The following CORO7 variants were observed in gnomAD, a reference collection of about 807,000 sequenced individuals.
CORO7 encodes coronin-7.
CORO7 carries 107 observed loss-of-function variants against 126.6 expected under a neutral mutation model. The ratio of observed to expected loss-of-function variants is 0.85; its 90% confidence interval spans 0.72 to 0.99. The LOEUF (loss-of-function observed/expected upper bound fraction) is 0.99, where lower values mean the gene tolerates loss of function less well. Among genes scored for constraint, CORO7 ranks in the 50% least tolerant of loss-of-function variants. The pLI is 0.00. For missense variants in CORO7, 1,314 were observed against 1,255.8 expected, an observed-to-expected ratio of 1.05 and a Z score of -0.70; for synonymous variants, 603 against 536.8, an observed-to-expected ratio of 1.12 and a Z score of -1.70.
Position 4,359,310 on chromosome 16 carries a change from G to A in CORO7, c.2326C>T (p.Pro776Ser). Residue 776 changes from proline to serine, a missense_variant, in exon 23 of 28, where the codon CCT (proline) becomes TCT (serine). Transcript: ENST00000251166. ...FFLECNSFTS[P>S]DPHKGLVLLP... ...GGTGGCCTCACCTTGTGGGGGTCAG[G>A]CGACGTGAAGCTGTTGCACTCCAGG... The A allele has an allele frequency of 6.2e-7, 1 of 1,608,438 alleles. No homozygotes were observed.
At chr16:4,387,961 C>A in intron 9 of CORO7, 25 bp downstream of exon 9, 2 of 1,611,668 alleles carry the variant, frequency 1.2e-6, no homozygotes, top group South Asian at 1.1e-5. Context: ...AGCCCCCCAG[C>A]CCACCTGCGT....
At chr16:4,375,024 G>C (rs2054670349) in intron 9 of CORO7, among the ~76,000 whole-genome samples, 2 of 152,150 alleles carry the variant, frequency 1.3e-5, no homozygotes, top group Admixed American at 1.3e-4. Flanking sequence ...GTGGCATCTG[G>C]ACTGGCCCAT....
At chr16:4,407,721 G>T in intron 4 of CORO7, 37 bp from the exon 5 acceptor site, 1 of 1,526,048 alleles carries the variant, frequency 6.6e-7, no homozygotes, top group Non-Finnish European at 8.8e-7. Context: ...ACAGGGCTGA[G>T]GGCCTCACTG....
rs143342632 is a variant in CORO7, at chr16:4,382,785, G to T, written c.785+5201C>A. 1.9e-4 allele frequency: 304 copies of T among 1,581,768 alleles called. No individual in the cohort carries two copies. The highest frequency in any genetic ancestry group is 2.4e-4 in the Non-Finnish European group (281 of 1,164,852). ...AGGTCCCCTTGGAGCCAGGCCCGAA[G>T]GCAACAGAGGGCGGTGGAGAGGCCC... On this transcript the variant is annotated intron_variant, in intron 9 of 27. Transcript: ENST00000251166.
At chr16:4,370,242 G>A (rs1239142225) in intron 9 of CORO7, among the ~76,000 whole-genome samples, 2 of 152,190 alleles carry the variant, frequency 1.3e-5, no homozygotes, top group East Asian at 1.9e-4. Context: ...GAAACAGTCC[G>A]ACAAGAGGCT....
At chr16:4,407,390 A>C in intron 5 of CORO7, 111 bp downstream of exon 5, 1 of 1,314,320 alleles carries the variant, frequency 7.6e-7, no homozygotes, top group Non-Finnish European at 1.0e-6. Flanking sequence ...ATGTAAGTGT[A>C]AAACTTTGAT....
intron 9 of CORO7, among the ~76,000 whole-genome samples, chr16:4,375,654 AT>A (rs1433240034): frequency 6.6e-6 from 1 of 152,052 alleles, no homozygotes; most frequent in Non-Finnish European, 1.5e-5. Context: ...GGCCTGGCTA[AT>A]TTTTTTGTAT....
At position 4,388,452 on chromosome 16, in the gene CORO7, A is replaced by AGTCCCCCGCCTCCCATTGGTTTC; in HGVS notation, c.702+70_702+92dup. On this transcript the variant is annotated intron_variant, in intron 8 of 27. Transcript: ENST00000251166. ...ATGGACAGGCCTGGAACTGGCCCTC[A>AGTCCCCCGCCTCCCATTGGTTTC]GTCCCCCGCCTCCCATTGGTTTCGT... The AGTCCCCCGCCTCCCATTGGTTTC allele has an allele frequency of 2.1e-6, 3 of 1,403,078 alleles. No individual in the cohort carries two copies. In the Admixed American group the frequency reaches 6.1e-5, roughly 28 times the overall value. The allele number at this position is 1,403,078 out of a possible 1,614,324, so 86.9% of individuals were successfully genotyped here. A position where few individuals can be genotyped will look rare whatever the true frequency, so the allele number is the denominator to read the frequency against.
chr16:4,370,528 C>A (rs1596289297), intron 9 of CORO7, among the ~76,000 whole-genome samples: 1 of 152,236 alleles, frequency 6.6e-6, no homozygotes, highest in African/African-American at 2.4e-5. Flanking sequence ...ACTAAATGCA[C>A]CCAAAGGCCA....
chr16:4,413,428 A>C, intron 1 of CORO7, 24 bp from the exon 2 acceptor site: 2 of 1,552,952 alleles, frequency 1.3e-6, no homozygotes, highest in Non-Finnish European at 1.7e-6. Context: ...GTAAAGAAGT[A>C]TGTGGTGAGA....
chr16:4,358,316 C>G (rs778885118), intron 24 of CORO7, 51 bp downstream of exon 24: 2 of 1,596,550 alleles, frequency 1.3e-6, no homozygotes, highest in East Asian at 2.2e-5. Flanking sequence ...AAACTCCCCT[C>G]TAGGCACCGA....
intron 9 of CORO7, chr16:4,382,674 G>A: frequency 3.2e-6 from 5 of 1,547,186 alleles, no homozygotes; most frequent in Non-Finnish European, 4.4e-6. Flanking sequence ...CCTACTGTGT[G>A]CGGCGGGGGC....
rs376933725 is a variant in CORO7 at position 4,359,376 on chromosome 16, G to A, written c.2260C>T (p.Arg754Cys). The A allele has an allele frequency of 3.9e-5, 63 of 1,613,492 alleles. No homozygotes were observed. The highest frequency in any genetic ancestry group is 2.3e-4 in the South Asian group (21 of 91,040). Reference protein sequence around the residue: ...LVLLTGKGDTRVFLYELLPES... With the variant: ...LVLLTGKGDTCVFLYELLPES... ...GGGAGCAGCTCGTACAGGAATACACGGGTGTCGCCCTGCGGGGAAGAAGGC... is the reference window on the plus strand; with the variant it reads ...GGGAGCAGCTCGTACAGGAATACACAGGTGTCGCCCTGCGGGGAAGAAGGC... Residue 754 changes from arginine to cysteine, a missense_variant, in exon 23 of 28, where the codon CGT becomes TGT. By Grantham distance (180) the Arg-to-Cys change is radical. Coordinates refer to ENST00000251166, the MANE Select transcript of CORO7 (RefSeq NM_024535.5).
chr16:4,412,951 G>A (rs1046291043), intron 2 of CORO7: 14 of 254,446 alleles, frequency 5.5e-5, no homozygotes, highest in Non-Finnish European at 9.8e-5. Context: ...ACCAACACAC[G>A]GGCTTTTCAA....
chr16:4,408,705 G>A (rs1341886665), intron 3 of CORO7, among the ~76,000 whole-genome samples: 2 of 152,244 alleles, frequency 1.3e-5, no homozygotes, highest in African/African-American at 4.8e-5. Context: ...GCTCATGCCT[G>A]TAATACCAAT....
chr16:4,360,446 G>T lies in CORO7; in HGVS notation c.2020C>A (p.Gln674Lys). The change falls in exon 20 of 28, where the codon CAG (glutamine) becomes AAG (lysine). Residue 674 changes from glutamine (Q) to lysine (K), a missense_variant and splice_region_variant. Gln to Lys is a moderately conservative substitution (Grantham distance 53, BLOSUM62 1). Transcript: ENST00000251166. ...CTCCCCAGCCCCTGTGTGCTCACCT[G>T]CAGGGGCTCAGGGCCACTCCGGGGC... ...YRPRSGPEPL[Q>K]EGPGPKGGRG... 6.2e-7 allele frequency: 1 copy of T among 1,612,796 alleles called. No individual in the cohort carries two copies. The highest frequency in any genetic ancestry group is 8.5e-7 in the Non-Finnish European group (1 of 1,179,818).
intron 6 of CORO7, among the ~76,000 whole-genome samples, chr16:4,399,737 A>T (rs2055733577): frequency 6.6e-6 from 1 of 152,134 alleles, no homozygotes; most frequent in Admixed American, 6.6e-5. Flanking sequence ...CAGAAAATTT[A>T]AAAAGTAGCT....
chr16:4,360,844 T>G, intron 19 of CORO7, 99 bp downstream of exon 19: 1 of 1,489,792 alleles, frequency 6.7e-7, no homozygotes, highest in Non-Finnish European at 8.9e-7. Flanking sequence ...CTGCCTCTCC[T>G]CACTGCTGGC....
intron 27 of CORO7, 34 bp from the exon 28 acceptor site, chr16:4,355,197 A>G: frequency 6.4e-7 from 1 of 1,573,044 alleles, no homozygotes; most frequent in Non-Finnish European, 8.7e-7. Context: ...GGAGGGAGTC[A>G]GGAGGGCCTG....
Sources: allele counts gnomAD v4.1 joint callset (sites outside exome capture counted in the v4.1 genomes callset), GRCh38; gene constraint gnomAD v4.1.1; transcripts MANE v1.5; gene names NCBI Gene and HGNC (gene_info 2026-07-23, HGNC 2026-07-21).